ANAPC10: variants seen among roughly 807,000 people sequenced by gnomAD.
ANAPC10 encodes anaphase-promoting complex subunit 10.
In ANAPC10, 12 loss-of-function variants were observed where a neutral mutation model predicts 22.0. The observed-to-expected ratio is 0.55, with a 90% CI of 0.35 to 0.88. The LOEUF is 0.88. Among genes scored for constraint, ANAPC10 ranks in the 40% least tolerant of loss-of-function variants. The pLI, the probability that ANAPC10 is intolerant of heterozygous loss-of-function variation, is 0.01. For missense variants in ANAPC10, 188 were observed against 220.9 expected (o/e 0.85, Z 0.94); for synonymous variants, 65 against 69.5 (o/e 0.94, Z 0.32).
chr4:144,995,863 A>G (rs763413148), intron 4 of ANAPC10, among the ~76,000 whole-genome samples: 15 of 152,330 alleles, frequency 9.8e-5, no homozygotes, highest in Admixed American at 2.0e-4. Flanking sequence ...AATTTATACA[A>G]CTTGTACTCT....
intron 4 of ANAPC10, among the ~76,000 whole-genome samples, chr4:145,045,954 TTA>T (rs563804612): frequency 4.7e-4 from 71 of 152,092 alleles, no homozygotes; most frequent in Non-Finnish European, 8.2e-4. Flanking sequence ...CTAGCAAAAA[TTA>T]TATTATGATT....
intron 3 of ANAPC10, among the ~76,000 whole-genome samples, chr4:145,075,141 T>C (rs116111869): frequency 2.2e-4 from 34 of 152,256 alleles, no homozygotes; most frequent in African/African-American, 8.2e-4. Flanking sequence ...GCTTACCTTA[T>C]TGCATCCCAA....
chr4:145,064,784 C>T, intron 3 of ANAPC10, 92 bp from the exon 4 acceptor site: 1 of 1,098,286 alleles, frequency 9.1e-7, no homozygotes, highest in Non-Finnish European at 1.3e-6. Flanking sequence ...TCATAGTTTG[C>T]TAAAAGGAGT....
chr4:145,003,524 G>A (rs1373652335), intron 4 of ANAPC10, among the ~76,000 whole-genome samples: 4 of 152,126 alleles, frequency 2.6e-5, no homozygotes, highest in African/African-American at 4.8e-5. Context: ...TGTATACAGT[G>A]TAAGGAAGGG....
At chr4:145,040,129 ATGTGTGTGTGTGTGTGTG>A (rs35260688) in intron 4 of ANAPC10, among the ~76,000 whole-genome samples, 1 of 148,804 alleles carries the variant, frequency 6.7e-6, no homozygotes, top group Non-Finnish European at 1.5e-5. Context: ...GTGTGTGTGT[ATGTGTGTGTGTGTGTGTG>A]TGTGTGTGTG....
chr4:145,009,043 TAAC>T (rs1446900098), intron 4 of ANAPC10, among the ~76,000 whole-genome samples: 2 of 151,640 alleles, frequency 1.3e-5, no homozygotes, highest in Non-Finnish European at 2.9e-5. Flanking sequence ...TATACACTAA[TAAC>T]AGACAGAGAG....
At chr4:145,082,867 T>C (rs888115932) in intron 2 of ANAPC10, among the ~76,000 whole-genome samples, 16 of 152,338 alleles carry the variant, frequency 1.1e-4, no homozygotes, top group Middle Eastern at 3.4e-3. Context: ...AAGTAATATA[T>C]TCATTATGGA....
At chr4:145,019,689 CA>C (rs1182755924) in intron 4 of ANAPC10, among the ~76,000 whole-genome samples, 8 of 152,128 alleles carry the variant, frequency 5.3e-5, no homozygotes, top group African/African-American at 1.9e-4. Context: ...AGACCATTAG[CA>C]AGATTAACCT....
chr4:145,060,200 G>C (rs965234765), intron 4 of ANAPC10, among the ~76,000 whole-genome samples: 1 of 152,010 alleles, frequency 6.6e-6, no homozygotes, highest in Non-Finnish European at 1.5e-5. Context: ...AAAGTAGAAC[G>C]AGAAGCATAA....
intron 4 of ANAPC10, among the ~76,000 whole-genome samples, chr4:145,036,725 T>C (rs183861952): frequency 2.6e-5 from 4 of 152,136 alleles, no homozygotes; most frequent in African/African-American, 9.6e-5. Flanking sequence ...AAAGTTAGTA[T>C]AACTGAAAAT....
chr4:145,067,321 C>T (rs548371361), intron 3 of ANAPC10, among the ~76,000 whole-genome samples: 25 of 152,068 alleles, frequency 1.6e-4, no homozygotes, highest in Admixed American at 5.9e-4. Context: ...GCTCACTATA[C>T]GCCAGGCATC....
chr4:145,056,001 C>A (rs143594754), intron 4 of ANAPC10, among the ~76,000 whole-genome samples: 1 of 152,260 alleles, frequency 6.6e-6, no homozygotes, highest in Non-Finnish European at 1.5e-5. Context: ...GCAAACTACA[C>A]AAGCATGGGT....
chr4:145,039,609 T>C (rs1739190922), intron 4 of ANAPC10, among the ~76,000 whole-genome samples: 1 of 152,136 alleles, frequency 6.6e-6, no homozygotes, highest in Non-Finnish European at 1.5e-5. Flanking sequence ...CTTTTTTTTT[T>C]GTTTGAAACA....
intron 3 of ANAPC10, among the ~76,000 whole-genome samples, chr4:145,072,431 C>T (rs191572324): frequency 6.6e-6 from 1 of 152,254 alleles, no homozygotes; most frequent in East Asian, 1.9e-4. Flanking sequence ...GAAGAAAAAA[C>T]ATCTAAGGAA....
chr4:145,093,083 G>A (rs1747935235), intron 2 of ANAPC10, among the ~76,000 whole-genome samples: 1 of 152,150 alleles, frequency 6.6e-6, no homozygotes, highest in Non-Finnish European at 1.5e-5. Context: ...ACCCTGAACT[G>A]AGTAATGAAA....
intron 4 of ANAPC10, among the ~76,000 whole-genome samples, chr4:145,031,839 A>G (rs142061624): frequency 0.014 from 2,151 of 152,260 alleles, 51 homozygotes; most frequent in African/African-American, 0.049. Flanking sequence ...GCTTTGGTGG[A>G]AACTGAATGT....
chr4:145,008,057 C>A (rs1248008343), intron 4 of ANAPC10, among the ~76,000 whole-genome samples: 2 of 152,132 alleles, frequency 1.3e-5, no homozygotes, highest in Admixed American at 6.6e-5. Context: ...ACTATAAACA[C>A]CTCTATGCAA....
intron 4 of ANAPC10, among the ~76,000 whole-genome samples, chr4:145,006,944 G>C (rs1406555520): frequency 6.6e-6 from 1 of 151,944 alleles, no homozygotes; most frequent in Non-Finnish European, 1.5e-5. Flanking sequence ...CACAATACAG[G>C]CTTTAATGTA....
At chr4:145,009,707 A>C (rs538195777) in intron 4 of ANAPC10, among the ~76,000 whole-genome samples, 6 of 152,306 alleles carry the variant, frequency 3.9e-5, no homozygotes, top group South Asian at 2.1e-4. Flanking sequence ...TAGACCTAAA[A>C]CCATAAAAAC....
Sources: allele counts gnomAD v4.1 joint callset (sites outside exome capture counted in the v4.1 genomes callset), GRCh38; gene constraint gnomAD v4.1.1; transcripts MANE v1.5; gene names NCBI Gene and HGNC (gene_info 2026-07-23, HGNC 2026-07-21).